MICAL3: variants seen among roughly 807,000 people sequenced by gnomAD.
The protein encoded by MICAL3 is [F-actin]-monooxygenase MICAL3.
Under a neutral mutation model 207.4 loss-of-function variants are expected in MICAL3, and 62 were observed. The observed-to-expected ratio is 0.30, with a 90% CI of 0.24 to 0.37. The LOEUF (loss-of-function observed/expected upper bound fraction) is 0.37. Among genes scored for constraint, MICAL3 ranks in the 10% least tolerant of loss-of-function variants. MICAL3 has a pLI of 1.00. For missense variants in MICAL3, 2,368 were observed against 2,635.6 expected, an observed-to-expected ratio of 0.90 and a Z score of 2.22; for synonymous variants, 1,077 against 1,069.3, an observed-to-expected ratio of 1.01 and a Z score of -0.14.
chr22:17,952,319 C>T (rs1043555844), intron 1 of MICAL3, among the ~76,000 whole-genome samples: 84 of 152,326 alleles, frequency 5.5e-4, no homozygotes, highest in African/African-American at 1.9e-3. Context: ...TCCAACACAA[C>T]CTTGTGTTTT....
At chr22:17,824,888 A>G (rs1380911627) in intron 22 of MICAL3, among the ~76,000 whole-genome samples, 2 of 152,208 alleles carry the variant, frequency 1.3e-5, no homozygotes, top group African/African-American at 4.8e-5. Context: ...AAAAGAATTC[A>G]TGGCTGCACT....
intron 16 of MICAL3, 92 bp downstream of exon 16, chr22:17,885,786 T>C: frequency 2.9e-6 from 4 of 1,362,368 alleles, no homozygotes; most frequent in Non-Finnish European, 1.0e-6. Flanking sequence ...CGCTGGGGTC[T>C]GTGACACAGC....
chr22:17,944,443 GC>G (rs1933958948), intron 1 of MICAL3, among the ~76,000 whole-genome samples: 1 of 152,296 alleles, frequency 6.6e-6, no homozygotes, highest in African/African-American at 2.4e-5. Context: ...GCAGAGCCAA[GC>G]TAATGTGATC....
intron 1 of MICAL3, among the ~76,000 whole-genome samples, chr22:17,974,156 G>A (rs1284687917): frequency 6.6e-6 from 1 of 152,142 alleles, no homozygotes; most frequent in Non-Finnish European, 1.5e-5. Context: ...GGAAAGTGAC[G>A]AGGCAGTCAA....
At chr22:17,932,384 A>G (rs1313025630) in intron 1 of MICAL3, among the ~76,000 whole-genome samples, 4 of 152,248 alleles carry the variant, frequency 2.6e-5, no homozygotes, top group Non-Finnish European at 4.4e-5. Flanking sequence ...ACTAAGCTTC[A>G]TAAGTGAAGG....
chr22:18,006,331 C>T (rs192892607), intron 1 of MICAL3: 53 of 152,244 alleles, frequency 3.5e-4, no homozygotes, highest in African/African-American at 1.2e-3. Flanking sequence ...TGTAGGTGCT[C>T]ACGTTGGGAA....
intron 17 of MICAL3, among the ~76,000 whole-genome samples, chr22:17,869,851 G>A (rs1038101940): frequency 2.0e-5 from 3 of 152,180 alleles, no homozygotes; most frequent in African/African-American, 7.2e-5. Context: ...ACTTAATGGG[G>A]TTGTTGTGAG....
chr22:17,902,516 G>T lies in MICAL3; in HGVS notation c.589+115C>A. 1.6e-6 allele frequency: 1 copy of T among 616,846 alleles called. No individual in the cohort carries two copies. 38.2% of individuals were successfully genotyped at this position (616,846 alleles called of 1,614,324 possible). On this transcript the variant is annotated intron_variant, in intron 4 of 31. Transcript: ENST00000441493. This position sits in a 1 kb window ranked among gnomAD's most constrained non-coding sequence, Gnocchi z 4.5. ...CCAGGCCAAGTCCCCAAAGGCACAG[G>T]CTTTGGCTAGCTCTGGAAGCAGCCC... is the stretch of plus-strand genomic sequence containing the variant.
At chr22:17,952,185 T>C (rs1255562335) in intron 1 of MICAL3, among the ~76,000 whole-genome samples, 1 of 152,208 alleles carries the variant, frequency 6.6e-6, no homozygotes, top group Non-Finnish European at 1.5e-5. Flanking sequence ...AAGACAGGAC[T>C]GGACTAAGTG....
chr22:17,822,972 C>A lies in MICAL3; in HGVS notation c.3282G>T (p.Gly1094=). ...CATCATCCAGCTCAGCACCAGTGTC[C>A]CCTGGGTCCCCATCCTCTGCTGCCT... ...EGEAAEDGDP[G]DTGAELDDDQ... is the part of the protein sequence containing the mutation. Residue 1094 remains glycine (G), a synonymous_variant, in exon 23 of 32, where the codon GGG becomes GGT. Transcript: ENST00000441493. The A allele has an allele frequency of 6.2e-7, 1 of 1,613,274 alleles. No individual in the cohort carries two copies. The highest frequency in any genetic ancestry group is 8.5e-7 in the Non-Finnish European group (1 of 1,179,374).
chr22:17,995,090 A>G (rs1922125663), intron 1 of MICAL3, among the ~76,000 whole-genome samples: 1 of 152,214 alleles, frequency 6.6e-6, no homozygotes, highest in African/African-American at 2.4e-5. Context: ...ACTACTTAGC[A>G]GAAGCTCTTG....
chr22:17,825,075 C>T (rs1247257594), intron 22 of MICAL3, among the ~76,000 whole-genome samples: 1 of 152,114 alleles, frequency 6.6e-6, no homozygotes, highest in African/African-American at 2.4e-5. Flanking sequence ...CCAAGGAGAC[C>T]CAAACAGGCC....
chr22:17,897,152 A>G (rs1930915902), intron 7 of MICAL3, among the ~76,000 whole-genome samples, 171 bp from the exon 8 acceptor site: 2 of 152,110 alleles, frequency 1.3e-5, no homozygotes, highest in South Asian at 2.1e-4. Context: ...GCCAGGCACA[A>G]TGGCCCACAC....
intron 29 of MICAL3, among the ~76,000 whole-genome samples, chr22:17,807,118 T>C (rs146694995): frequency 9.2e-5 from 14 of 152,394 alleles, no homozygotes; most frequent in African/African-American, 3.4e-4. Context: ...TGTTGAGATC[T>C]AATCCACTGC....
intron 1 of MICAL3, among the ~76,000 whole-genome samples, chr22:17,942,002 C>A (rs1329593083): frequency 6.6e-6 from 1 of 152,214 alleles, no homozygotes; most frequent in Non-Finnish European, 1.5e-5. Flanking sequence ...ACCTGTGTGG[C>A]AAATTCCTCC....
intron 1 of MICAL3, among the ~76,000 whole-genome samples, chr22:17,984,027 A>C (rs941418854): frequency 9.2e-5 from 14 of 152,232 alleles, no homozygotes; most frequent in Admixed American, 9.2e-4. Context: ...ACTATTCTCA[A>C]ACTTTTCTGA....
intron 19 of MICAL3, chr22:17,862,312 T>A (rs546797625): frequency 1.1e-6 from 1 of 907,306 alleles, no homozygotes; most frequent in Non-Finnish European, 1.3e-6. Context: ...TGGAGTGCAG[T>A]GGTGTGATCT....
chr22:17,818,919 C>A lies in MICAL3; in HGVS notation c.3742G>T (p.Val1248Leu). The A allele has an allele frequency of 1.3e-6, 2 of 1,570,718 alleles. No homozygotes were observed. The highest frequency in any genetic ancestry group is 2.4e-5 in the South Asian group (2 of 83,968). ...CTGGGTGGGGGCGTGGAGGCCGCCA[C>A]GGGTGGCTGGGGCTGCGGGCTCCCT... ...SPGSPQPQPP[V>L]AASTPPPSPL... is the part of the protein sequence containing the mutation. The change falls in exon 26 of 32, where the codon GTG becomes TTG. Residue 1248 changes from valine (V) to leucine (L), a missense_variant. Coordinates refer to ENST00000441493, the MANE Select transcript of MICAL3 (RefSeq NM_015241.3).
rs562459200 is a variant in MICAL3 at position 17,861,513 on chromosome 22, C to T, written c.2605+3386G>A. 2.9e-5 allele frequency: 29 copies of T among 985,386 alleles called. No individual in the cohort carries two copies. The East Asian group carries it at 2.2e-3, about 73-fold the overall frequency. 61.0% of individuals were successfully genotyped at this position (985,386 alleles called of 1,614,324 possible). ...CCCTACTTCATTTTTGGTCATCAAC[C>T]GTATCAGATAAAAAGAGGATTCCTC... On this transcript the variant is annotated intron_variant, in intron 19 of 31. Coordinates refer to ENST00000441493, the MANE Select transcript of MICAL3 (RefSeq NM_015241.3).
Sources: gnomAD v4.1 joint callset for allele counts (sites outside exome capture counted in the v4.1 genomes callset) on GRCh38, gnomAD v4.1.1 for gene constraint, Gnocchi (gnomAD v3.1) non-coding constraint, MANE v1.5 for transcripts, NCBI Gene and HGNC (gene_info 2026-07-23, HGNC 2026-07-21) for gene names.